The following VPS54 variants were observed in gnomAD, a reference collection of about 807,000 sequenced individuals.
VPS54 encodes the protein VPS54 subunit of GARP complex.
A neutral mutation model predicts 121.5 loss-of-function variants in VPS54; 45 were observed. The observed-to-expected ratio is 0.37, with a 90% CI of 0.29 to 0.47. VPS54 has a LOEUF of 0.47. Among genes scored for constraint, VPS54 ranks in the 20% least tolerant of loss-of-function variants. VPS54 has a pLI of 0.99. For missense variants in VPS54, 1,090 were observed against 1,131.4 expected (o/e 0.96, Z 0.52); for synonymous variants, 371 against 385.8 (o/e 0.96, Z 0.45).
At chr2:63,924,632 T>C (rs529074361) in intron 12 of VPS54, among the ~76,000 whole-genome samples, 2 of 152,204 alleles carry the variant, frequency 1.3e-5, no homozygotes, top group Admixed American at 1.3e-4. Context: ...CTGGGCAACA[T>C]AGTAAGACCC....
chr2:63,948,017 T>G (rs753285807), intron 8 of VPS54, among the ~76,000 whole-genome samples: 1 of 152,064 alleles, frequency 6.6e-6, no homozygotes, highest in Non-Finnish European at 1.5e-5. Flanking sequence ...TTAAATTTGT[T>G]TTGTAGACTC....
chr2:63,982,092 G>A (rs1227069042), intron 2 of VPS54, among the ~76,000 whole-genome samples: 2 of 152,084 alleles, frequency 1.3e-5, no homozygotes, highest in South Asian at 2.1e-4. Flanking sequence ...AAATATGCAC[G>A]AGATAAAAGA....
intron 3 of VPS54, among the ~76,000 whole-genome samples, chr2:63,972,973 G>T (rs1272212904): frequency 6.6e-6 from 1 of 151,906 alleles, no homozygotes; most frequent in East Asian, 1.9e-4. Flanking sequence ...AGAATTAGAT[G>T]ACCACTAACA....
chr2:63,997,881 T>C (rs1269084515), intron 1 of VPS54, among the ~76,000 whole-genome samples: 1 of 152,086 alleles, frequency 6.6e-6, no homozygotes, highest in East Asian at 1.9e-4. Flanking sequence ...CTCATAGATT[T>C]TGGTATGTCA....
At chr2:63,962,950 T>C (rs565908174) in intron 6 of VPS54, among the ~76,000 whole-genome samples, 9 of 152,276 alleles carry the variant, frequency 5.9e-5, no homozygotes, top group South Asian at 2.1e-4. Flanking sequence ...GTAGTATTAT[T>C]ATCATTTTAC....
rs1041322793 is a variant in VPS54, at chr2:63,933,886, G to A, written c.1526C>T (p.Ala509Val). The change falls in exon 12 of 23, where the codon GCT becomes GTT. Residue 509 changes from alanine (A) to valine (V), a missense_variant. Ala to Val is a moderately conservative substitution (Grantham distance 64). Transcript: ENST00000272322. ...AAACATGCCTTCATGGATTAAATAA[G>A]CCACCTCTGTGTCCAGTGAATTATC... Reference protein sequence around the residue: ...AKDNSLDTEVAYLIHEGMFIS... With the variant: ...AKDNSLDTEVVYLIHEGMFIS... The A allele has an allele frequency of 6.2e-7, 1 of 1,613,620 alleles. No homozygotes were observed. Among genetic ancestry groups the A allele is most frequent in the Non-Finnish European group, 8.5e-7 (1 of 1,179,834 alleles).
Position 63,984,013 on chromosome 2 carries a change from C to G in VPS54, c.-14G>C, listed in dbSNP as rs774295831. The stretch of plus-strand genomic sequence containing the variant: ...GCTTGAAGCCATTGCATAAAATCAC[C>G]ACTCAACTGAAAATGAGTAAGAAAT... On this transcript the variant is annotated 5_prime_UTR_variant, in exon 2 of 23. Transcript: ENST00000272322. 3 of 1,594,408 alleles carry G rather than the reference C, an allele frequency of 1.9e-6. No homozygotes were observed. Among genetic ancestry groups the G allele is most frequent in the Non-Finnish European group, 2.6e-6 (3 of 1,167,472 alleles).
intron 1 of VPS54, among the ~76,000 whole-genome samples, chr2:64,017,564 G>A (rs187383731): frequency 2.1e-4 from 32 of 152,040 alleles, no homozygotes; most frequent in Non-Finnish European, 4.0e-4. Flanking sequence ...ACTTCAGAAA[G>A]CCAAATGCTG....
At chr2:63,929,116 A>T (rs928136952) in intron 12 of VPS54, among the ~76,000 whole-genome samples, 1 of 152,192 alleles carries the variant, frequency 6.6e-6, no homozygotes, top group Non-Finnish European at 1.5e-5. Flanking sequence ...CACGACAGAA[A>T]ATTAACAAGG....
intron 8 of VPS54, among the ~76,000 whole-genome samples, chr2:63,948,147 T>C (rs1435793664): frequency 6.6e-6 from 1 of 152,120 alleles, no homozygotes. Flanking sequence ...TTGTAATGCA[T>C]AGTCTAGAAG....
intron 6 of VPS54, among the ~76,000 whole-genome samples, chr2:63,965,369 G>A (rs969868530): frequency 6.6e-6 from 1 of 152,148 alleles, no homozygotes; most frequent in Non-Finnish European, 1.5e-5. Flanking sequence ...CCAGCTACTT[G>A]GGAGGATGAG....
At chr2:63,966,629 C>T (rs1165240351) in intron 5 of VPS54, among the ~76,000 whole-genome samples, 1 of 152,180 alleles carries the variant, frequency 6.6e-6, no homozygotes, top group Non-Finnish European at 1.5e-5. Flanking sequence ...AGATACTCCT[C>T]TACAATGTCA....
chr2:63,994,769 T>C (rs931676072), intron 1 of VPS54, among the ~76,000 whole-genome samples: 3 of 152,188 alleles, frequency 2.0e-5, no homozygotes, highest in Admixed American at 2.0e-4. Context: ...CTAAAAATTT[T>C]GAGGGCCCAT....
intron 7 of VPS54, among the ~76,000 whole-genome samples, chr2:63,961,195 A>C (rs1675752620): frequency 6.6e-6 from 1 of 152,212 alleles, no homozygotes; most frequent in South Asian, 2.1e-4. Flanking sequence ...TTGACATGTA[A>C]TAGGTGCTCA....
rs957569887 is a variant in VPS54, at chr2:63,893,061, T to C, written c.*369A>G. 5.4e-6 allele frequency: 1 copy of C among 186,800 alleles called. No individual in the cohort carries two copies. The highest frequency in any genetic ancestry group is 1.1e-5 in the Non-Finnish European group (1 of 89,730). 11.6% of individuals were successfully genotyped at this position (186,800 alleles called of 1,614,324 possible). A position where few individuals can be genotyped will look rare whatever the true frequency, so the allele number is the denominator to read the frequency against. ...AAGGTGGGACACCATATGAATTTCATTGCACTGGAAGAAATGCAAAGCATT... is the reference window on the plus strand; with the variant it reads ...AAGGTGGGACACCATATGAATTTCACTGCACTGGAAGAAATGCAAAGCATT... On this transcript the variant is annotated 3_prime_UTR_variant, in exon 23 of 23. Coordinates refer to ENST00000272322, the MANE Select transcript of VPS54 (RefSeq NM_016516.3).
rs1480854033 is a variant in VPS54 at position 63,893,010 on chromosome 2, G to A, written c.*420C>T. ...AAAACTTTCTACAGAAGTTGACTAA[G>A]ATTTTAAATTGTACCATCATTAAAT... On this transcript the variant is annotated 3_prime_UTR_variant, in exon 23 of 23. Transcript: ENST00000272322. The A allele has an allele frequency of 6.4e-6, 1 of 155,850 alleles. No individual in the cohort carries two copies. The highest frequency in any genetic ancestry group is 2.0e-4 in the South Asian group (1 of 4,904). The allele number at this position is 155,850 out of a possible 1,614,324, so 9.7% of individuals were successfully genotyped here. A position where few individuals can be genotyped will look rare whatever the true frequency, so the allele number is the denominator to read the frequency against.
At chr2:63,914,841 A>G in intron 16 of VPS54, among the ~76,000 whole-genome samples, 1 of 151,994 alleles carries the variant, frequency 6.6e-6, no homozygotes, top group Non-Finnish European at 1.5e-5. Flanking sequence ...GTAGGTCACA[A>G]AAGGTTCTCT....
intron 20 of VPS54, among the ~76,000 whole-genome samples, chr2:63,910,751 G>A (rs1408390896): frequency 6.6e-6 from 1 of 152,090 alleles, no homozygotes; most frequent in African/African-American, 2.4e-5. Flanking sequence ...GAAAAAAAAA[G>A]TAAGTTGTCA....
chr2:63,974,999 T>TTAGTGGGAAGCATC (rs1481584203), intron 3 of VPS54: 1 of 1,549,996 alleles, frequency 6.5e-7, no homozygotes, highest in Non-Finnish European at 8.7e-7. Flanking sequence ...GATCCTGTTC[T>TTAGTGGGAAGCATC]TAGTGGGAAG....
Sources: allele counts gnomAD v4.1 joint callset (sites outside exome capture counted in the v4.1 genomes callset), GRCh38; gene constraint gnomAD v4.1.1; transcripts MANE v1.5; gene names NCBI Gene and HGNC (gene_info 2026-07-23, HGNC 2026-07-21).